Variants in HACD1 observed in about 807,000 individuals in gnomAD.
HACD1 encodes the protein very-long-chain (3R)-3-hydroxyacyl-CoA dehydratase 1.
A neutral mutation model predicts 32.0 loss-of-function variants in HACD1; 41 were observed. That is an observed-to-expected ratio of 1.28 (90% CI 1.00 to 1.66). HACD1 has a LOEUF of 1.66. HACD1 is among the 40% of genes most tolerant of loss of function. The probability of loss-of-function intolerance (pLI) is 0.00; values close to 1 mark genes in which losing one functional copy is unlikely to be tolerated. For missense variants in HACD1, 396 were observed against 380.1 expected (o/e 1.04, Z -0.35); for synonymous variants, 142 against 139.0 (o/e 1.02, Z -0.15).
chr10:17,594,754 C>T (rs1833972951), intron 5 of HACD1, among the ~76,000 whole-genome samples: 1 of 152,142 alleles, frequency 6.6e-6, no homozygotes, highest in African/African-American at 2.4e-5. Context: ...TCACTGCAAC[C>T]TCCACCTCCT....
rs376927367 is a variant in HACD1, at chr10:17,609,738, T to G, written c.258-5691A>C. 9.1e-4 allele frequency among the ~76,000 whole-genome samples: 139 copies of G among 152,038 alleles called. 1 individual carries two copies. The East Asian group carries it at 0.018, about 20-fold the overall frequency. Reference sequence around the variant, plus strand: ...GGCGGTTTCATAAGAAATTACGCTTTGGGAGGCCAAGGCGGTTGGATCATT... The same window carrying G: ...GGCGGTTTCATAAGAAATTACGCTTGGGGAGGCCAAGGCGGTTGGATCATT... On this transcript the variant is annotated intron_variant, in intron 1 of 6. Transcript: ENST00000361271.
Position 17,617,169 on chromosome 10 carries a change from C to G in HACD1, c.171G>C (p.Glu57Asp), listed in dbSNP as rs1554818236. The G allele has an allele frequency of 2.7e-6, 4 of 1,505,096 alleles. No homozygotes were observed. Among genetic ancestry groups the G allele is most frequent in the South Asian group, 2.5e-5 (2 of 80,838 alleles). 93.2% of individuals were successfully genotyped at this position (1,505,096 alleles called of 1,614,324 possible). A position where few individuals can be genotyped will look rare whatever the true frequency, so the allele number is the denominator to read the frequency against. Residue 57 changes from glutamate (E) to aspartate (D), a missense_variant, in exon 1 of 7, where the codon GAG (glutamate) becomes GAC (aspartate). Coordinates refer to ENST00000361271, the MANE Select transcript of HACD1 (RefSeq NM_014241.4). ...TCCGCTCGCCGGGAGCCTCCCGGTCCTCGCCGGCCTCCGAGGCGCCGCCGT... is the reference window on the plus strand; with the variant it reads ...TCCGCTCGCCGGGAGCCTCCCGGTCGTCGCCGGCCTCCGAGGCGCCGCCGT... ...GTNGGASEAG[E>D]DREAPGERRR...
chr10:17,599,422 A>G lies in HACD1; in HGVS notation c.484-11T>C, dbSNP rs782603575. On this transcript the variant is annotated splice_polypyrimidine_tract_variant and intron_variant, in intron 4 of 6. Transcript: ENST00000361271. ...CTCTTCATTCTGGATCTGCAGAATT[A>G]CAGAGAAACCCAGTGTCATTCAACC... 4.3e-6 allele frequency: 7 copies of G among 1,611,450 alleles called. No individual in the cohort carries two copies. Among genetic ancestry groups the G allele is most frequent in the Non-Finnish European group, 5.9e-6 (7 of 1,179,464 alleles).
chr10:17,614,657 G>C (rs1002164162), intron 1 of HACD1, among the ~76,000 whole-genome samples: 1 of 151,820 alleles, frequency 6.6e-6, no homozygotes, highest in Non-Finnish European at 1.5e-5. Context: ...TGGGGCTGTA[G>C]TAAGCACCAC....
intron 6 of HACD1, 86 bp downstream of exon 6, chr10:17,594,118 TA>T: frequency 8.7e-7 from 1 of 1,149,840 alleles, no homozygotes; most frequent in South Asian, 3.4e-5. Flanking sequence ...CAATTATTTC[TA>T]ATTATTTCCC....
At chr10:17,613,862 A>G (rs1254150076) in intron 1 of HACD1, among the ~76,000 whole-genome samples, 2 of 152,244 alleles carry the variant, frequency 1.3e-5, no homozygotes, top group East Asian at 3.8e-4. Context: ...ACCTGAGCAC[A>G]GAAGCAGAGC....
intron 1 of HACD1, among the ~76,000 whole-genome samples, chr10:17,607,341 G>A (rs188407313): frequency 1.3e-5 from 2 of 152,230 alleles, no homozygotes; most frequent in East Asian, 1.9e-4. Context: ...TCATGTGAGC[G>A]CCAACACTGA....
intron 6 of HACD1, among the ~76,000 whole-genome samples, chr10:17,591,540 G>T (rs1833927998): frequency 6.6e-6 from 1 of 152,128 alleles, no homozygotes. Context: ...TACGTTATTA[G>T]GTCAGTTGGA....
intron 4 of HACD1, among the ~76,000 whole-genome samples, chr10:17,600,643 T>A (rs1834057278): frequency 6.6e-6 from 1 of 152,136 alleles, no homozygotes; most frequent in Non-Finnish European, 1.5e-5. Flanking sequence ...CTTCTTCTAC[T>A]GTACTTTGTT....
At position 17,609,857 on chromosome 10, in the gene HACD1, G is replaced by A. The variant is rs147465473; in HGVS notation, c.258-5810C>T. Among the ~76,000 whole-genome samples the A allele has an allele frequency of 2.4e-3, 371 of 151,850 alleles. 1 individual carries two copies. Among genetic ancestry groups the A allele is most frequent in the African/African-American group, 8.4e-3 (350 of 41,424 alleles). On this transcript the variant is annotated intron_variant, in intron 1 of 6. Transcript: ENST00000361271. ...AAATTAGCCAGGCATGGTGGTGCAC[G>A]CCTGGAGTCCCAGCCACACAGGAAG...
intron 1 of HACD1, among the ~76,000 whole-genome samples, chr10:17,605,298 G>A (rs1430520627): frequency 2.0e-5 from 3 of 152,152 alleles, no homozygotes; most frequent in African/African-American, 7.2e-5. Flanking sequence ...GCCGAGGCAG[G>A]TGGATCACCT....
chr10:17,606,726 T>G (rs1047866986), intron 1 of HACD1, among the ~76,000 whole-genome samples: 8 of 152,216 alleles, frequency 5.3e-5, no homozygotes, highest in African/African-American at 1.9e-4. Context: ...TTTATCAGAT[T>G]GGCAAGAAGT....
At chr10:17,613,095 GGGGT>G (rs1392828192) in intron 1 of HACD1, among the ~76,000 whole-genome samples, 132 of 119,866 alleles carry the variant, frequency 1.1e-3, no homozygotes, top group African/African-American at 4.2e-3. Context: ...TTTGCAATTT[GGGGT>G]GTGTGTGTGT....
intron 1 of HACD1, among the ~76,000 whole-genome samples, chr10:17,611,347 G>A (rs1043557284): frequency 2.6e-5 from 4 of 152,080 alleles, no homozygotes; most frequent in Non-Finnish European, 5.9e-5. Context: ...TCAGATCTCT[G>A]TCCTCTAACT....
At position 17,589,508 on chromosome 10, in the gene HACD1, T is replaced by C. The variant is rs1554815389; in HGVS notation, c.*856A>G. On this transcript the variant is annotated 3_prime_UTR_variant, in exon 7 of 7. Transcript: ENST00000361271. ...TCTTGCTATGTTGCCCAGACTGGCC[T>C]TGAACTTCTGGGCTCAAACGATCCT... 1 of 152,198 alleles carries C rather than the reference T, an allele frequency of 6.6e-6. No homozygotes were observed. Among genetic ancestry groups the C allele is most frequent in the African/African-American group, 2.4e-5 (1 of 41,448 alleles). 9.4% of individuals were successfully genotyped at this position (152,198 alleles called of 1,614,324 possible). A position where few individuals can be genotyped will look rare whatever the true frequency, so the allele number is the denominator to read the frequency against.
intron 6 of HACD1, among the ~76,000 whole-genome samples, chr10:17,591,976 A>ATGTTTTTTTTTTTTTTT (rs1465312407): frequency 1.0e-5 from 1 of 96,942 alleles, no homozygotes; most frequent in African/African-American, 4.5e-5. Flanking sequence ...CCAGCTACTG[A>ATGTTTTTTTTTTTTTTT]TTTTTTTTTT....
chr10:17,600,545 C>G (rs1277329087), intron 4 of HACD1, among the ~76,000 whole-genome samples: 1 of 151,970 alleles, frequency 6.6e-6, no homozygotes, highest in Admixed American at 6.6e-5. Context: ...AGGCTGGTCT[C>G]GAATTCCTGA....
chr10:17,599,126 G>T (rs1834033602), intron 5 of HACD1, 164 bp downstream of exon 5: 27 of 1,216,158 alleles, frequency 2.2e-5, no homozygotes, highest in Non-Finnish European at 2.9e-5. Flanking sequence ...TAAGCTTTTA[G>T]AATACAAATC....
rs1417967129 is a variant in HACD1, at chr10:17,613,284, T to G, written c.257+3799A>C. Among the ~76,000 whole-genome samples the G allele has an allele frequency of 2.0e-5, 3 of 151,934 alleles. No homozygotes were observed. The East Asian group carries it at 5.8e-4, about 29-fold the overall frequency. ...CACTGTTCCCCACTTGTTTTGAAAA[T>G]TATTACAAAAAAATTAATAAACACG... On this transcript the variant is annotated intron_variant, in intron 1 of 6. Coordinates refer to ENST00000361271, the MANE Select transcript of HACD1 (RefSeq NM_014241.4).
Sources: gnomAD v4.1 joint callset for allele counts (sites outside exome capture counted in the v4.1 genomes callset) on GRCh38, gnomAD v4.1.1 for gene constraint, MANE v1.5 for transcripts, NCBI Gene and HGNC (gene_info 2026-07-23, HGNC 2026-07-21) for gene names.